Variants in BLK observed in about 807,000 individuals in gnomAD.
BLK encodes the protein BLK proto-oncogene, Src family tyrosine kinase.
Under a neutral mutation model 61.8 loss-of-function variants are expected in BLK, and 64 were observed. The ratio of observed to expected loss-of-function variants is 1.03; its 90% CI spans 0.85 to 1.27. BLK has a LOEUF of 1.27. BLK is among the 50% of genes most tolerant of loss of function. The pLI is 0.00. For synonymous variants in BLK, 351 were observed against 272.0 expected (o/e 1.29, Z -2.86); for missense variants, 853 against 660.5 (o/e 1.29, Z -3.19).
At chr8:11,522,334 A>C (rs1365184476) in intron 1 of BLK, among the ~76,000 whole-genome samples, 1 of 152,244 alleles carries the variant, frequency 6.6e-6, no homozygotes, top group African/African-American at 2.4e-5. Flanking sequence ...TACCTATTCC[A>C]CTAGTAAAAC....
chr8:11,526,222 C>T (rs961362321), intron 1 of BLK, among the ~76,000 whole-genome samples: 8 of 152,190 alleles, frequency 5.3e-5, no homozygotes, highest in Non-Finnish European at 1.0e-4. Flanking sequence ...TGCACACTCC[C>T]CTCTCCATTT....
intron 1 of BLK, among the ~76,000 whole-genome samples, chr8:11,496,235 G>A (rs535588542): frequency 3.6e-4 from 55 of 151,978 alleles, no homozygotes; most frequent in Non-Finnish European, 6.2e-4. Context: ...GTTGTTTTTC[G>A]TTTATGTTTT....
chr8:11,549,336 C>A (rs1042745640), intron 5 of BLK, among the ~76,000 whole-genome samples: 1 of 152,190 alleles, frequency 6.6e-6, no homozygotes, highest in African/African-American at 2.4e-5. Context: ...GCCGCTCTTC[C>A]CAGCTAAACA....
intron 2 of BLK, among the ~76,000 whole-genome samples, chr8:11,544,774 T>A (rs913256823): frequency 6.6e-6 from 1 of 152,348 alleles, no homozygotes; most frequent in East Asian, 1.9e-4. Flanking sequence ...TACATGCACA[T>A]CATTTTGCAA....
chr8:11,541,301 A>G (rs370249228), intron 1 of BLK, among the ~76,000 whole-genome samples: 1 of 152,292 alleles, frequency 6.6e-6, no homozygotes, highest in East Asian at 1.9e-4. Context: ...GAATCCATCC[A>G]TGTGCCAAAT....
chr8:11,495,148 G>C (rs1798318113), intron 1 of BLK, among the ~76,000 whole-genome samples: 1 of 152,208 alleles, frequency 6.6e-6, no homozygotes, highest in African/African-American at 2.4e-5. Flanking sequence ...ATTTCACCAG[G>C]AAACACCAAC....
chr8:11,508,078 C>T (rs1798851394), intron 1 of BLK, among the ~76,000 whole-genome samples: 1 of 152,186 alleles, frequency 6.6e-6, no homozygotes, highest in Admixed American at 6.5e-5. Flanking sequence ...CCCGTGATGT[C>T]ATCAGGAACC....
intron 1 of BLK, among the ~76,000 whole-genome samples, chr8:11,500,928 G>A (rs1798534659): frequency 6.6e-6 from 1 of 151,708 alleles, no homozygotes; most frequent in Non-Finnish European, 1.5e-5. Flanking sequence ...TTTTATTTTG[G>A]CCAGGCGTGG....
intron 1 of BLK, among the ~76,000 whole-genome samples, chr8:11,539,160 G>T (rs1800264900): frequency 2.0e-5 from 3 of 151,536 alleles, no homozygotes; most frequent in African/African-American, 7.3e-5. Flanking sequence ...TAAACAACTT[G>T]GTGTTCATCC....
In BLK at chr8:11,557,980, T is replaced by C; in HGVS notation, c.971T>C (p.Leu324Pro). ...TTCTTAGGATGCCTGCTGGATTTCC[T>C]GAAGACAGATGAAGGGAGCAGATTG... ...YMARGCLLDFLKTDEGSRLSL... is the reference protein window; with the variant it reads ...YMARGCLLDFPKTDEGSRLSL... The change falls in exon 10 of 13, where the codon CTG becomes CCG. Residue 324 changes from leucine (L) to proline (P), a missense_variant. Transcript: ENST00000259089. 1.2e-6 allele frequency: 2 copies of C among 1,614,082 alleles called. No homozygotes were observed. Among genetic ancestry groups the C allele is most frequent in the Non-Finnish European group, 1.7e-6 (2 of 1,179,936 alleles).
At chr8:11,536,112 G>C (rs1028526009) in intron 1 of BLK, among the ~76,000 whole-genome samples, 1 of 152,238 alleles carries the variant, frequency 6.6e-6, no homozygotes, top group Non-Finnish European at 1.5e-5. Flanking sequence ...TGGCTGGATG[G>C]TTAGATGATA....
chr8:11,530,032 A>G (rs1322931912), intron 1 of BLK, among the ~76,000 whole-genome samples: 1 of 151,990 alleles, frequency 6.6e-6, no homozygotes, highest in Non-Finnish European at 1.5e-5. Context: ...TTCTCTCTCC[A>G]GTTTATTTTT....
intron 12 of BLK, 115 bp from the exon 13 acceptor site, chr8:11,563,788 C>G (rs543265672): frequency 3.0e-6 from 3 of 997,068 alleles, no homozygotes; most frequent in Non-Finnish European, 4.4e-6. Flanking sequence ...TGGTCTGGGA[C>G]TGTGGGCACT....
chr8:11,507,041 A>G lies in BLK; in HGVS notation c.-2+12450A>G, dbSNP rs189562603. On this transcript the variant is annotated intron_variant, in intron 1 of 12. Coordinates refer to ENST00000259089, the MANE Select transcript of BLK (RefSeq NM_001715.3). ...AAAATAACAAATAGGAGGAAGAACA[A>G]TCTCAGAAAGGCAGGTAGCCTGTCC... 3.2e-3 allele frequency among the ~76,000 whole-genome samples: 488 copies of G among 152,344 alleles called. 21 individuals carry two copies. The highest frequency in any genetic ancestry group is 0.031 in the Admixed American group (470 of 15,308).
chr8:11,564,219 A>G lies in BLK; in HGVS notation c.*111A>G. On this transcript the variant is annotated 3_prime_UTR_variant, in exon 13 of 13. Transcript: ENST00000259089. ...GGTGTCGCCTGTGCCCTTTTCTCAG[A>G]CCCGGAATCCAGTGGGCAGAGGCAG... The G allele has an allele frequency of 7.5e-7, 1 of 1,325,234 alleles. No individual in the cohort carries two copies. Among genetic ancestry groups the G allele is most frequent in the South Asian group, 1.3e-5 (1 of 78,752 alleles). The allele number at this position is 1,325,234 out of a possible 1,614,324, so 82.1% of individuals were successfully genotyped here. A position where few individuals can be genotyped will look rare whatever the true frequency, so the allele number is the denominator to read the frequency against.
chr8:11,512,599 C>A (rs1399699714), intron 1 of BLK, among the ~76,000 whole-genome samples: 4 of 152,162 alleles, frequency 2.6e-5, no homozygotes, highest in African/African-American at 9.7e-5. Context: ...ATAGATAAAG[C>A]CATTGAGGCT....
chr8:11,555,517 C>T (rs147111193), intron 8 of BLK, 33 bp downstream of exon 8: 14 of 1,613,598 alleles, frequency 8.7e-6, no homozygotes, highest in Non-Finnish European at 1.2e-5. Context: ...GCATTTCTCC[C>T]CCCATTCCAC....
At chr8:11,521,841 C>T (rs955866513) in intron 1 of BLK, among the ~76,000 whole-genome samples, 1 of 152,166 alleles carries the variant, frequency 6.6e-6, no homozygotes, top group Non-Finnish European at 1.5e-5. Context: ...TAAGTGTGGA[C>T]ATCTAGGAGG....
chr8:11,509,609 G>A (rs1798920174), intron 1 of BLK: 2 of 152,120 alleles, frequency 1.3e-5, no homozygotes, highest in South Asian at 2.1e-4. Context: ...GGTCTGTGGC[G>A]ACCCGGCTGC....
Sources: allele counts gnomAD v4.1 joint callset (sites outside exome capture counted in the v4.1 genomes callset), GRCh38; gene constraint gnomAD v4.1.1; transcripts MANE v1.5; gene names NCBI Gene and HGNC (gene_info 2026-07-23, HGNC 2026-07-21).